Variants in NCALD observed in about 807,000 individuals in gnomAD.
The protein encoded by NCALD is neurocalcin-delta.
Under a neutral mutation model 18.6 loss-of-function variants are expected in NCALD, and 10 were observed. The ratio of observed to expected loss-of-function variants is 0.54; its 90% CI spans 0.33 to 0.91. The LOEUF (loss-of-function observed/expected upper bound fraction) is 0.91. Ranked by LOEUF, NCALD falls within the 40% of genes least tolerant of loss-of-function variation. The pLI is 0.03. For synonymous variants in NCALD, 88 were observed against 87.4 expected (o/e 1.01, Z -0.04); for missense variants, 184 against 247.6 (o/e 0.74, Z 1.72).
chr8:101,787,175 T>A (rs979822484), intron 1 of NCALD, among the ~76,000 whole-genome samples: 1 of 152,198 alleles, frequency 6.6e-6, no homozygotes, highest in Non-Finnish European at 1.5e-5. Context: ...ACATTCCTTT[T>A]TGAAAAGTTT....
chr8:102,121,238 A>G (rs993041608), intron 1 of NCALD, among the ~76,000 whole-genome samples: 3 of 152,074 alleles, frequency 2.0e-5, no homozygotes, highest in African/African-American at 7.2e-5. Context: ...GTTTTTGTTT[A>G]CAACGCTTTA....
intron 1 of NCALD, among the ~76,000 whole-genome samples, chr8:102,123,020 C>G: frequency 6.6e-6 from 1 of 152,230 alleles, no homozygotes; most frequent in East Asian, 1.9e-4. Flanking sequence ...CACACCACAC[C>G]CCCTCTCCTT....
intron 2 of NCALD, among the ~76,000 whole-genome samples, chr8:101,698,069 T>C (rs1175451787): frequency 6.6e-6 from 1 of 152,172 alleles, no homozygotes; most frequent in Non-Finnish European, 1.5e-5. Context: ...CTTAAGCTGA[T>C]AAGCAACTTC....
chr8:101,810,269 G>A (rs529347323), intron 4 of NCALD, among the ~76,000 whole-genome samples: 1 of 152,216 alleles, frequency 6.6e-6, no homozygotes, highest in South Asian at 2.1e-4. Context: ...ACCCCTTTAT[G>A]CCTTGATTGT....
At chr8:102,049,449 C>T (rs1823355027) in intron 1 of NCALD, among the ~76,000 whole-genome samples, 1 of 152,218 alleles carries the variant, frequency 6.6e-6, no homozygotes, top group African/African-American at 2.4e-5. Context: ...TACTGAAGGA[C>T]ATCTTGGTTG....
chr8:101,921,191 T>C (rs1818151887), intron 2 of NCALD, among the ~76,000 whole-genome samples: 1 of 151,250 alleles, frequency 6.6e-6, no homozygotes, highest in Admixed American at 6.6e-5. Context: ...GTCTAAACAA[T>C]CTAATTAGTC....
At chr8:101,917,655 C>G (rs910797238) in intron 2 of NCALD, among the ~76,000 whole-genome samples, 14 of 151,650 alleles carry the variant, frequency 9.2e-5, no homozygotes, top group African/African-American at 3.4e-4. Flanking sequence ...ACAATGAATC[C>G]CACAGAAATA....
intron 1 of NCALD, among the ~76,000 whole-genome samples, chr8:102,054,937 G>A (rs1823597941): frequency 6.6e-6 from 1 of 152,116 alleles, no homozygotes; most frequent in African/African-American, 2.4e-5. Context: ...CAGATAGGGT[G>A]TGGGGGTGGT....
intron 3 of NCALD, among the ~76,000 whole-genome samples, chr8:101,901,480 A>G (rs1433817394): frequency 6.6e-6 from 1 of 151,814 alleles, no homozygotes; most frequent in South Asian, 2.1e-4. Context: ...ACTTTTTAAG[A>G]ATTCCATTTT....
intron 1 of NCALD, among the ~76,000 whole-genome samples, chr8:102,109,150 T>C (rs1825567065): frequency 6.6e-6 from 1 of 152,162 alleles, no homozygotes; most frequent in African/African-American, 2.4e-5. Context: ...TTATTCTCAG[T>C]GTAACTACCT....
chr8:101,760,640 T>C (rs1811073964), intron 1 of NCALD, among the ~76,000 whole-genome samples: 1 of 152,226 alleles, frequency 6.6e-6, no homozygotes, highest in Non-Finnish European at 1.5e-5. Flanking sequence ...GTCAAGTCCA[T>C]ACAGCAACTC....
At position 101,727,826 on chromosome 8, in the gene NCALD, C is replaced by T. The variant is rs1816640550; in HGVS notation, c.-19-8178G>A. ...TCAGTTCTCTCTCTGCTCCAGGCAC[C>T]TTGGCCTCCTGGATGTCCCATCTTT... On this transcript the variant is annotated intron_variant, in intron 1 of 3. Transcript: ENST00000220931. 2.6e-5 allele frequency among the ~76,000 whole-genome samples: 4 copies of T among 152,228 alleles called. No homozygotes were observed. In the South Asian group the frequency reaches 8.3e-4, roughly 32 times the overall value.
chr8:102,097,910 C>G (rs1210468838), intron 1 of NCALD, among the ~76,000 whole-genome samples: 1 of 152,204 alleles, frequency 6.6e-6, no homozygotes, highest in African/African-American at 2.4e-5. Flanking sequence ...ACACAAATCA[C>G]AACGCAATGC....
At chr8:101,910,002 T>C (rs1817736385) in intron 3 of NCALD, among the ~76,000 whole-genome samples, 1 of 151,866 alleles carries the variant, frequency 6.6e-6, no homozygotes, top group Non-Finnish European at 1.5e-5. Context: ...CCATTGGGAG[T>C]GCATTATTTT....
chr8:101,740,971 AAAAC>A (rs1227112736), intron 1 of NCALD, among the ~76,000 whole-genome samples: 1 of 152,236 alleles, frequency 6.6e-6, no homozygotes. Context: ...AAATACTGTA[AAAAC>A]AAACAACTCT....
intron 2 of NCALD, among the ~76,000 whole-genome samples, chr8:101,713,180 G>A (rs1033746418): frequency 6.6e-6 from 1 of 152,140 alleles, no homozygotes; most frequent in African/African-American, 2.4e-5. Flanking sequence ...AATGACTAGT[G>A]GGTAAATAAT....
At chr8:102,029,718 C>T (rs1168847240) in intron 1 of NCALD, among the ~76,000 whole-genome samples, 1 of 152,070 alleles carries the variant, frequency 6.6e-6, no homozygotes. Context: ...ACACAGCATT[C>T]GAGCTGAAGG....
At chr8:101,734,727 A>G (rs1261513934) in intron 1 of NCALD, among the ~76,000 whole-genome samples, 1 of 152,200 alleles carries the variant, frequency 6.6e-6, no homozygotes, top group Admixed American at 6.5e-5. Context: ...GCAGGAATCA[A>G]TGCTTTGTGG....
intron 1 of NCALD, among the ~76,000 whole-genome samples, chr8:101,757,415 T>C (rs1810928736): frequency 6.6e-6 from 1 of 152,214 alleles, no homozygotes; most frequent in Non-Finnish European, 1.5e-5. Context: ...ACAGAGCATG[T>C]CCTGACCTCT....
Sources: gnomAD v4.1 joint callset for allele counts (sites outside exome capture counted in the v4.1 genomes callset) on GRCh38, gnomAD v4.1.1 for gene constraint, MANE v1.5 for transcripts, NCBI Gene and HGNC (gene_info 2026-07-23, HGNC 2026-07-21) for gene names.